ZHX3: variants seen among roughly 807,000 people sequenced by gnomAD.
ZHX3 encodes zinc fingers and homeoboxes protein 3.
In ZHX3, 20 loss-of-function variants were observed where a neutral mutation model predicts 64.5. The observed-to-expected ratio is 0.31, with a 90% confidence interval of 0.22 to 0.45. The LOEUF is 0.45. Among genes scored for constraint, ZHX3 ranks in the 20% least tolerant of loss-of-function variants. The pLI is 1.00. For synonymous variants in ZHX3, 423 were observed against 461.6 expected (o/e 0.92, Z 1.07); for missense variants, 1,041 against 1,195.8 (o/e 0.87, Z 1.91).
At chr20:41,192,334 A>T (rs2037095920) in intron 3 of ZHX3, among the ~76,000 whole-genome samples, 1 of 152,176 alleles carries the variant, frequency 6.6e-6, no homozygotes, top group African/African-American at 2.4e-5. Flanking sequence ...CAGGCTGGGC[A>T]GTCTCATCTT....
intron 1 of ZHX3, among the ~76,000 whole-genome samples, chr20:41,270,593 G>A (rs1313309610): frequency 2.0e-5 from 3 of 151,152 alleles, no homozygotes; most frequent in East Asian, 2.0e-4. Context: ...GGAGAATAGC[G>A]TGAACCCGGG....
At chr20:41,256,541 A>T (rs6029592) in intron 2 of ZHX3, among the ~76,000 whole-genome samples, 87,547 of 150,648 alleles carry the variant, frequency 0.58, 26,893 homozygotes, top group East Asian at 0.82. Flanking sequence ...GAGCTGTCCT[A>T]TCTTAATATC....
chr20:41,305,820 C>T (rs2044963093), intron 1 of ZHX3, among the ~76,000 whole-genome samples: 1 of 151,752 alleles, frequency 6.6e-6, no homozygotes, highest in South Asian at 2.1e-4. Flanking sequence ...TAAATAAACC[C>T]CAACCAACGA....
chr20:41,265,262 A>T (rs1278249299), intron 2 of ZHX3, among the ~76,000 whole-genome samples: 1 of 148,372 alleles, frequency 6.7e-6, no homozygotes, highest in Non-Finnish European at 1.5e-5. Flanking sequence ...GAGTGCAATG[A>T]TACAATCTTG....
At chr20:41,302,456 C>T (rs1446681848) in intron 1 of ZHX3, among the ~76,000 whole-genome samples, 1 of 152,218 alleles carries the variant, frequency 6.6e-6, no homozygotes, top group Admixed American at 6.5e-5. Context: ...TCCTAGGCCC[C>T]TTGGCCCTTC....
At chr20:41,237,702 A>T (rs1259490520) in intron 2 of ZHX3, among the ~76,000 whole-genome samples, 1 of 152,270 alleles carries the variant, frequency 6.6e-6, no homozygotes, top group Admixed American at 6.5e-5. Flanking sequence ...AACATGGCAC[A>T]TGTATATGTA....
chr20:41,192,742 T>A (rs2039650642), intron 3 of ZHX3, among the ~76,000 whole-genome samples: 1 of 152,222 alleles, frequency 6.6e-6, no homozygotes, highest in Admixed American at 6.5e-5. Flanking sequence ...GGGGGTGGGC[T>A]TTAAATGGCA....
chr20:41,257,733 T>A (rs113803382), intron 2 of ZHX3, among the ~76,000 whole-genome samples: 9,571 of 140,814 alleles, frequency 0.068, 725 homozygotes, highest in African/African-American at 0.15. Context: ...TGCCTCAGCC[T>A]CCTTAGTAGC....
Position 41,224,042 on chromosome 20 carries a change from C to A in ZHX3, c.-150-18976G>T, listed in dbSNP as rs555739118. ...TAGTTCAAAAATAACTTAGAGATAT[C>A]CAATATACAAAACAAAAAATAAATA... On this transcript the variant is annotated intron_variant, in intron 2 of 3. Transcript: ENST00000683867. The surrounding 1 kb of genome is among the most constrained non-coding windows in gnomAD (Gnocchi z 5.2). 1.6e-4 allele frequency among the ~76,000 whole-genome samples: 24 copies of A among 152,064 alleles called. No individual in the cohort carries two copies. Among genetic ancestry groups the A allele is most frequent in the Admixed American group, 1.3e-3 (20 of 15,276 alleles).
intron 1 of ZHX3, chr20:41,269,310 G>T (rs942498381): frequency 6.6e-6 from 1 of 152,192 alleles, no homozygotes. Flanking sequence ...TCTGATAACA[G>T]ATCAGAACAA....
At chr20:41,213,595 C>A (rs1407484494) in intron 2 of ZHX3, 1 of 152,590 alleles carries the variant, frequency 6.6e-6, no homozygotes, top group Non-Finnish European at 1.5e-5. Flanking sequence ...GGCCAGGCAG[C>A]AGAACTCAGG....
chr20:41,225,494 T>C (rs796255633), intron 2 of ZHX3, among the ~76,000 whole-genome samples: 10 of 152,346 alleles, frequency 6.6e-5, no homozygotes, highest in African/African-American at 2.4e-4. Flanking sequence ...AACCATTTGT[T>C]TTTTTCTTTT....
chr20:41,280,882 CT>C (rs371666599), intron 1 of ZHX3, among the ~76,000 whole-genome samples: 11,590 of 145,212 alleles, frequency 0.08, 454 homozygotes, highest in Middle Eastern at 0.17. Flanking sequence ...ATGTCTAACC[CT>C]TTTTTTTTTT....
intron 3 of ZHX3, among the ~76,000 whole-genome samples, chr20:41,191,174 A>G (rs2036981197): frequency 6.6e-6 from 1 of 152,010 alleles, no homozygotes; most frequent in Non-Finnish European, 1.5e-5. Context: ...AATAATTTAG[A>G]TATGTAGTTG....
intron 2 of ZHX3, among the ~76,000 whole-genome samples, chr20:41,263,630 C>T (rs544084170): frequency 8.5e-5 from 13 of 152,192 alleles, no homozygotes; most frequent in Admixed American, 2.6e-4. Context: ...AACTCCTGAG[C>T]TCAGGCAATC....
At chr20:41,290,548 G>A (rs539936783) in intron 1 of ZHX3, 1 of 152,352 alleles carries the variant, frequency 6.6e-6, no homozygotes, top group African/African-American at 2.4e-5. Flanking sequence ...CAAGTAGCTG[G>A]GACAATAGGC....
At chr20:41,272,091 C>A (rs2043174305) in intron 1 of ZHX3, 3 of 152,138 alleles carry the variant, frequency 2.0e-5, no homozygotes, top group African/African-American at 7.2e-5. Flanking sequence ...CCAATGTGGT[C>A]TGATAAATTT....
chr20:41,314,988 T>C (rs1309635601), intron 1 of ZHX3, among the ~76,000 whole-genome samples: 2 of 152,062 alleles, frequency 1.3e-5, no homozygotes, highest in Non-Finnish European at 2.9e-5. Flanking sequence ...CAAATAAATA[T>C]GTATTACCAA....
At chr20:41,287,341 T>TAC (rs1395766990) in intron 1 of ZHX3, among the ~76,000 whole-genome samples, 2 of 152,206 alleles carry the variant, frequency 1.3e-5, no homozygotes, top group Non-Finnish European at 2.9e-5. Context: ...CAGCATGTAT[T>TAC]ACCATTTGAC....
Sources: gnomAD v4.1 joint callset for allele counts (sites outside exome capture counted in the v4.1 genomes callset) on GRCh38, gnomAD v4.1.1 for gene constraint, Gnocchi (gnomAD v3.1) non-coding constraint, MANE v1.5 for transcripts, NCBI Gene and HGNC (gene_info 2026-07-23, HGNC 2026-07-21) for gene names.